NDRG2: variants seen among roughly 807,000 people sequenced by gnomAD.
The protein encoded by NDRG2 is NDRG family member 2, also known as protein NDRG2.
A neutral mutation model predicts 58.2 loss-of-function variants in NDRG2; 34 were observed. That is an observed-to-expected ratio of 0.58 (90% confidence interval 0.44 to 0.78). The LOEUF (loss-of-function observed/expected upper bound fraction) is 0.78. Among genes scored for constraint, NDRG2 ranks in the 30% least tolerant of loss-of-function variants. The pLI is 0.00. For synonymous variants in NDRG2, 187 were observed against 175.9 expected (o/e 1.06, Z -0.50); for missense variants, 434 against 471.2 (o/e 0.92, Z 0.73).
Position 21,022,284 on chromosome 14 carries a change from G to T in NDRG2, c.224-102C>A. 4 of 1,577,904 alleles carry T rather than the reference G, an allele frequency of 2.5e-6. No individual in the cohort carries two copies. The South Asian group carries it at 4.5e-5, about 18-fold the overall frequency. On this transcript the variant is annotated intron_variant, in intron 4 of 15. Coordinates refer to ENST00000556147, the MANE Select transcript of NDRG2 (RefSeq NM_001320329.2). ...TTCATGCCACAGTCAGACCAGGAGAGAACTTCTCCTTCCCACACTGACCCC... is the reference window on the plus strand; with the variant it reads ...TTCATGCCACAGTCAGACCAGGAGATAACTTCTCCTTCCCACACTGACCCC...
chr14:21,048,730 T>C (rs1225352271), intron 1 of NDRG2, among the ~76,000 whole-genome samples: 1 of 151,812 alleles, frequency 6.6e-6, no homozygotes, highest in East Asian at 1.9e-4. Context: ...CTATTTATCA[T>C]TGTGGTGTCA....
chr14:21,031,042 A>G (rs1323921151), intron 1 of NDRG2: 4 of 1,613,620 alleles, frequency 2.5e-6, no homozygotes, highest in African/African-American at 1.3e-5. Context: ...TCACGTTTCA[A>G]CAGTTCAAAG....
intron 1 of NDRG2, among the ~76,000 whole-genome samples, chr14:21,068,213 A>G (rs1886386825): frequency 7.0e-5 from 1 of 14,312 alleles, no homozygotes; most frequent in African/African-American, 1.1e-4. Context: ...GTTAGCCAGG[A>G]TGGTCTCGAT....
chr14:21,020,302 A>G (rs1403787945), intron 8 of NDRG2, 194 bp downstream of exon 8: 2 of 580,484 alleles, frequency 3.4e-6, no homozygotes, highest in Admixed American at 3.0e-5. Context: ...TCAAAAAAAA[A>G]AAAAAAAAGA....
intron 1 of NDRG2, among the ~76,000 whole-genome samples, chr14:21,039,109 G>T (rs1052690104): frequency 6.6e-6 from 1 of 152,238 alleles, no homozygotes; most frequent in African/African-American, 2.4e-5. Flanking sequence ...CCGGAAGGCA[G>T]AGAGGCTTGG....
intron 5 of NDRG2, 63 bp from the exon 6 acceptor site, chr14:21,021,942 G>A (rs1451359895): frequency 1.2e-6 from 2 of 1,610,978 alleles, no homozygotes; most frequent in Non-Finnish European, 1.7e-6. Flanking sequence ...ACCTCAGGAT[G>A]TCCTACTCAT....
intron 1 of NDRG2, among the ~76,000 whole-genome samples, chr14:21,054,398 A>T: frequency 6.6e-6 from 1 of 152,196 alleles, no homozygotes; most frequent in East Asian, 1.9e-4. Flanking sequence ...AGTAGACATT[A>T]GAGATGGCAT....
chr14:21,039,351 G>C (rs1329568046), intron 1 of NDRG2, among the ~76,000 whole-genome samples: 1 of 152,248 alleles, frequency 6.6e-6, no homozygotes, highest in Non-Finnish European at 1.5e-5. Context: ...GAATGAGAAG[G>C]AAGCAGGGGT....
Position 21,070,489 on chromosome 14 carries a change from C to T in NDRG2, c.24+339G>A, listed in dbSNP as rs770424666. ...AGTCCTCAGCCTGGTGCCTCCCGAG[C>T]CTGCCTCGGACTGTTCGGCCCCTCT... On this transcript the variant is annotated intron_variant, in intron 1 of 14. Transcript: ENST00000403829. This position sits in a 1 kb window ranked among gnomAD's most constrained non-coding sequence, Gnocchi z 4.7. 7.5e-5 allele frequency: 101 copies of T among 1,341,384 alleles called. No individual in the cohort carries two copies. Among genetic ancestry groups the T allele is most frequent in the Non-Finnish European group, 8.8e-5 (92 of 1,044,518 alleles). The allele number at this position is 1,341,384 out of a possible 1,614,324, so 83.1% of individuals were successfully genotyped here.
intron 1 of NDRG2, among the ~76,000 whole-genome samples, chr14:21,044,948 G>A (rs762839820): frequency 5.3e-5 from 8 of 152,076 alleles, no homozygotes; most frequent in African/African-American, 9.7e-5. Context: ...ACATGACCTC[G>A]AACAATTGGC....
intron 1 of NDRG2, chr14:21,033,837 C>A (rs778629862): frequency 1.2e-6 from 2 of 1,611,606 alleles, no homozygotes; most frequent in African/African-American, 2.7e-5. Context: ...CGAATAGAGA[C>A]CAGCGATACC....
chr14:21,041,062 A>T (rs879580180), intron 1 of NDRG2, among the ~76,000 whole-genome samples: 2 of 151,804 alleles, frequency 1.3e-5, no homozygotes, highest in Non-Finnish European at 2.9e-5. Flanking sequence ...TGCAATCATG[A>T]TTTTCACTGC....
chr14:21,018,840 G>A lies in NDRG2; in HGVS notation c.762-26C>T, dbSNP rs770631672. On this transcript the variant is annotated intron_variant, in intron 11 of 15. Coordinates refer to ENST00000556147, the MANE Select transcript of NDRG2 (RefSeq NM_001320329.2). ...CTAAAGACACAGTGTTGGGGAGAAG[G>A]CAGTGAGCCCCTGGCACTCCCTCAC... 6 of 1,613,754 alleles carry A rather than the reference G, an allele frequency of 3.7e-6. No individual in the cohort carries two copies. The Admixed American group carries it at 6.7e-5, about 18-fold the overall frequency.
upstream of NDRG2, among the ~76,000 whole-genome samples, chr14:21,029,942 CA>C (rs531707198): frequency 4.4e-3 from 668 of 152,328 alleles, 3 homozygotes; most frequent in African/African-American, 0.015. Context: ...AAACAGACTA[CA>C]ACACCTTCCC....
At chr14:21,044,117 C>A (rs1307985110) in intron 1 of NDRG2, 2 of 167,204 alleles carry the variant, frequency 1.2e-5, no homozygotes, top group East Asian at 3.8e-4. Context: ...AGAAAGAAGT[C>A]ACTGTTACAG....
At chr14:21,020,466 G>A (rs376586240) in intron 8 of NDRG2, 30 bp downstream of exon 8, 76 of 1,558,976 alleles carry the variant, frequency 4.9e-5, no homozygotes, top group Non-Finnish European at 5.9e-5. Flanking sequence ...ATCCCCAACC[G>A]TAGGTCTCAG....
chr14:21,022,311 C>A (rs1490661270), intron 4 of NDRG2, 81 bp downstream of exon 4: 4 of 1,574,326 alleles, frequency 2.5e-6, no homozygotes, highest in Non-Finnish European at 2.6e-6. Flanking sequence ...ACTGACCCCT[C>A]CCCTCCCTCT....
At position 21,017,143 on chromosome 14, in the gene NDRG2, C is replaced by T; in HGVS notation, c.*453G>A. 1 of 400,278 alleles carries T rather than the reference C, an allele frequency of 2.5e-6. No homozygotes were observed. The highest frequency in any genetic ancestry group is 1.8e-5 in the South Asian group (1 of 55,220). The allele number at this position is 400,278 out of a possible 1,614,324, so 24.8% of individuals were successfully genotyped here. A position where few individuals can be genotyped will look rare whatever the true frequency, so the allele number is the denominator to read the frequency against. ...TGACACACATTCACGTAGGTCCATA[C>T]CCTTCAGAGTCCTAAAGGGTTAATG... On this transcript the variant is annotated 3_prime_UTR_variant, in exon 16 of 16. Transcript: ENST00000556147.
intron 1 of NDRG2, chr14:21,032,985 C>T (rs570797262): frequency 1.5e-4 from 68 of 456,138 alleles, no homozygotes; most frequent in African/African-American, 1.2e-3. Context: ...CCGGGCCTGC[C>T]TCATTCGCTG....
Sources: allele counts gnomAD v4.1 joint callset (sites outside exome capture counted in the v4.1 genomes callset), GRCh38; gene constraint gnomAD v4.1.1; non-coding constraint Gnocchi (gnomAD v3.1); transcripts MANE v1.5; gene names NCBI Gene and HGNC (gene_info 2026-07-23, HGNC 2026-07-21).